The following KRT82 variants were observed in gnomAD, a reference collection of about 807,000 sequenced individuals.
KRT82 encodes keratin, type II cuticular Hb2.
KRT82 carries 44 observed loss-of-function variants against 48.0 expected under a neutral mutation model. The ratio of observed to expected loss-of-function variants is 0.92; its 90% CI spans 0.72 to 1.18. The LOEUF (loss-of-function observed/expected upper bound fraction) is 1.18, where lower values mean the gene tolerates loss of function less well. Among genes scored for constraint, KRT82 ranks in the 50% most tolerant of loss-of-function variants. KRT82 has a pLI of 0.00. For synonymous variants in KRT82, 297 were observed against 278.3 expected, an observed-to-expected ratio of 1.07 and a Z score of -0.67; for missense variants, 701 against 671.4, an observed-to-expected ratio of 1.04 and a Z score of -0.49.
At chr12:52,398,047 T>C (rs552336161) in intron 5 of KRT82, among the ~76,000 whole-genome samples, 19 of 152,206 alleles carry the variant, frequency 1.2e-4, no homozygotes, top group Non-Finnish European at 2.5e-4. Flanking sequence ...CAAGACTCCA[T>C]CTCAAAATAA....
Position 52,400,522 on chromosome 12 carries a change from G to C in KRT82, c.777+5C>G. ...CTAACCACCCAAGGTCAGGGCTGTGGGTACCTCCTCATACAGGCTTTTCAG... is the reference window on the plus strand; with the variant it reads ...CTAACCACCCAAGGTCAGGGCTGTGCGTACCTCCTCATACAGGCTTTTCAG... On this transcript the variant is annotated splice_donor_5th_base_variant and intron_variant, in intron 4 of 8. Transcript: ENST00000257974. 6.2e-7 allele frequency: 1 copy of C among 1,611,452 alleles called. No homozygotes were observed. The highest frequency in any genetic ancestry group is 8.5e-7 in the Non-Finnish European group (1 of 1,177,548).
rs1381682050 is a variant in KRT82, at chr12:52,395,074, A to C, written c.1443T>G (p.Tyr481Ter). The change falls in exon 9 of 9, where the codon TAT becomes TAG. Residue 481 changes from tyrosine to a stop codon, truncating the protein, a stop_gained. Coordinates refer to ENST00000257974, the MANE Select transcript of KRT82 (RefSeq NM_033033.4). LOFTEE classifies it low-confidence loss of function (END_TRUNC). Reference sequence around the variant, plus strand: ...GTAGCCCCTGGGGCTCGCAGGGGACATAGAGTTCACCAGTGCCCACGATGC... The same window carrying C: ...GTAGCCCCTGGGGCTCGCAGGGGACCTAGAGTTCACCAGTGCCCACGATGC... ...GCSIVGTGELYVPCEPQGLLS... is the reference protein window; with the variant it reads ...GCSIVGTGEL 15 of 1,613,988 alleles carry C rather than the reference A, an allele frequency of 9.3e-6. No homozygotes were observed. Among genetic ancestry groups the C allele is most frequent in the Non-Finnish European group, 1.1e-5 (13 of 1,179,968 alleles).
rs1939724040 is a variant in KRT82, at chr12:52,396,931, A to G, written c.1020T>C (p.Asn340=). 1 of 1,614,070 alleles carries G rather than the reference A, an allele frequency of 6.2e-7. No individual in the cohort carries two copies. Among genetic ancestry groups the G allele is most frequent in the Non-Finnish European group, 8.5e-7 (1 of 1,180,010 alleles). Residue 340 remains asparagine (N), a synonymous_variant, in exon 6 of 9, where the codon AAT becomes AAC. Transcript: ENST00000257974. The part of the protein sequence containing the change: ...RNRKNEILEM[N]KLIQRLQQET... ...CTTGCTGCAGCCGCTGGATCAGTTT[A>G]TTCATTTCCAGGATCTCGTTCTTAC... is the stretch of plus-strand genomic sequence containing the variant.
In KRT82 at chr12:52,400,663, C is replaced by T. The variant is rs1372752785; in HGVS notation, c.682-41G>A. On this transcript the variant is annotated intron_variant, in intron 3 of 8. Transcript: ENST00000257974. Reference sequence around the variant, plus strand: ...GACAGAATGTGACCTGGCTGGGCCACCTCCCAGGCAAGCTGGTGGCAGGGG... The same window carrying T: ...GACAGAATGTGACCTGGCTGGGCCATCTCCCAGGCAAGCTGGTGGCAGGGG... 9.8e-6 allele frequency: 14 copies of T among 1,431,722 alleles called. No individual in the cohort carries two copies. In the Admixed American group the frequency reaches 2.3e-4, roughly 24 times the overall value. The allele number at this position is 1,431,722 out of a possible 1,614,324, so 88.7% of individuals were successfully genotyped here.
In KRT82 at chr12:52,406,069, C is replaced by T; in HGVS notation, c.209G>A (p.Arg70Lys). ...GAAGCCAGGCAGGGTACCTCCACAC[C>T]TGGAGGCTACCCGGGGCCTCCCAAA... The part of the protein sequence containing the change: ...VGFGRPRVAS[R>K]CGGTLPGFGY... The change falls in exon 1 of 9, where the codon AGG becomes AAG. Residue 70 changes from arginine to lysine, a missense_variant. Transcript: ENST00000257974. The T allele has an allele frequency of 6.2e-7, 1 of 1,613,930 alleles. No individual in the cohort carries two copies. The highest frequency in any genetic ancestry group is 8.5e-7 in the Non-Finnish European group (1 of 1,179,974).
intron 4 of KRT82, 126 bp downstream of exon 4, chr12:52,400,401 G>A (rs1307375330): frequency 2.9e-5 from 22 of 765,326 alleles, no homozygotes; most frequent in Non-Finnish European, 2.8e-5. Flanking sequence ...GCCTGAGAAC[G>A]TCTCTACAGT....
Position 52,394,722 on chromosome 12 carries a change from C to T in KRT82, c.*253G>A, listed in dbSNP as rs956071708. 2.5e-5 allele frequency: 14 copies of T among 569,904 alleles called. No homozygotes were observed. Among genetic ancestry groups the T allele is most frequent in the Middle Eastern group, 4.6e-4 (1 of 2,176 alleles). 35.3% of individuals were successfully genotyped at this position (569,904 alleles called of 1,614,324 possible). A position where few individuals can be genotyped will look rare whatever the true frequency, so the allele number is the denominator to read the frequency against. ...ATTCTGCGGTTAAGAGCAATGCATG[C>T]TCTTTCTCTGCCGTCTGTCCCCACC... On this transcript the variant is annotated 3_prime_UTR_variant, in exon 9 of 9. Transcript: ENST00000257974.
rs765996344 is a variant in KRT82 at position 52,395,007 on chromosome 12, C to T, written c.1510G>A (p.Ala504Thr). Residue 504 changes from alanine to threonine, a missense_variant, in exon 9 of 9, where the codon GCT becomes ACT. Transcript: ENST00000257974. ...TTGTGGCTGGGGGAGCTGCCCCCAG[C>T]TCCTAGCGTCATGCTGGATTTCCGC... is the stretch of plus-strand genomic sequence containing the variant. ...SGRKSSMTLG[A>T]GGSSPSHKH 6.8e-6 allele frequency: 11 copies of T among 1,613,560 alleles called. No homozygotes were observed. Among genetic ancestry groups the T allele is most frequent in the African/African-American group, 5.3e-5 (4 of 74,892 alleles).
chr12:52,395,067 A>C lies in KRT82; in HGVS notation c.1450T>G (p.Cys484Gly). ...IVGTGELYVP[C>G]EPQGLLSCGS... ...CAGCTCAGTAGCCCCTGGGGCTCGC[A>C]GGGGACATAGAGTTCACCAGTGCCC... The change falls in exon 9 of 9, where the codon TGC becomes GGC. Residue 484 changes from cysteine (C) to glycine (G), a missense_variant. Physicochemically the swap from Cys to Gly is radical, Grantham distance 159 (BLOSUM62 -3). Coordinates refer to ENST00000257974, the MANE Select transcript of KRT82 (RefSeq NM_033033.4). 6.2e-7 allele frequency: 1 copy of C among 1,613,950 alleles called. No homozygotes were observed. The highest frequency in any genetic ancestry group is 1.1e-5 in the South Asian group (1 of 91,062).
At chr12:52,398,083 C>T (rs528959271) in intron 5 of KRT82, among the ~76,000 whole-genome samples, 1 of 152,214 alleles carries the variant, frequency 6.6e-6, no homozygotes, top group East Asian at 1.9e-4. Flanking sequence ...ACAAAAATAA[C>T]AGCAACAGAA....
intron 2 of KRT82, among the ~76,000 whole-genome samples, chr12:52,403,486 A>G (rs1939814218): frequency 6.6e-6 from 1 of 152,188 alleles, no homozygotes; most frequent in Admixed American, 6.5e-5. Context: ...GGCTTTATTT[A>G]GGTGGAGTAG....
chr12:52,403,552 G>T, intron 2 of KRT82, 149 bp downstream of exon 2: 1 of 640,666 alleles, frequency 1.6e-6, no homozygotes, highest in Non-Finnish European at 2.8e-6. Flanking sequence ...GCCAAGTGGG[G>T]TGCCCTGCTG....
intron 2 of KRT82, 100 bp downstream of exon 2, chr12:52,403,601 A>T (rs1939815637): frequency 1.3e-6 from 1 of 782,388 alleles, no homozygotes. Flanking sequence ...CCAGTGAACT[A>T]AGTTTAGGCT....
chr12:52,401,279 TC>T lies in KRT82; in HGVS notation c.681+9del. 1 of 1,613,662 alleles carries T rather than the reference TC, an allele frequency of 6.2e-7. No homozygotes were observed. The highest frequency in any genetic ancestry group is 8.5e-7 in the Non-Finnish European group (1 of 1,179,614). On this transcript the variant is annotated intron_variant, in intron 3 of 8. Coordinates refer to ENST00000257974, the MANE Select transcript of KRT82 (RefSeq NM_033033.4). ...CTCAGGGGCTCTGCCTCTCTGAGCT[TC>T]CTCCTTACCTTCTTCAAGGCAACAA...
chr12:52,400,392 C>G lies in KRT82; in HGVS notation c.777+135G>C. 4.1e-6 allele frequency: 3 copies of G among 738,466 alleles called. No homozygotes were observed. In the South Asian group the frequency reaches 5.2e-5, roughly 13 times the overall value. 45.7% of individuals were successfully genotyped at this position (738,466 alleles called of 1,614,324 possible). On this transcript the variant is annotated intron_variant, in intron 4 of 8. Coordinates refer to ENST00000257974, the MANE Select transcript of KRT82 (RefSeq NM_033033.4). ...GATCCAACTTCTGTGAGTCTCACCG[C>G]CTGAGAACGTCTCTACAGTGCGGAC...
At chr12:52,397,140 C>T in intron 5 of KRT82, 132 bp from the exon 6 acceptor site, 1 of 1,153,168 alleles carries the variant, frequency 8.7e-7, no homozygotes, top group African/African-American at 1.6e-5. Flanking sequence ...ACTGGTTCTG[C>T]TCCTTTACCT....
At chr12:52,404,698 T>A (rs146700016) in intron 1 of KRT82, among the ~76,000 whole-genome samples, 3,428 of 152,308 alleles carry the variant, frequency 0.023, 73 homozygotes, top group Non-Finnish European at 0.033. Context: ...GCTCCCAGCC[T>A]AACAGAAGGT....
Position 52,395,761 on chromosome 12 carries a change from A to C in KRT82, c.1319T>G (p.Ile440Ser). The C allele has an allele frequency of 6.4e-7, 1 of 1,556,834 alleles. No homozygotes were observed. The highest frequency in any genetic ancestry group is 8.6e-7 in the Non-Finnish European group (1 of 1,156,378). Residue 440 changes from isoleucine (I) to serine (S), a missense_variant and splice_region_variant, in exon 8 of 9, where the codon ATC (isoleucine) becomes AGC (serine). Ile to Ser is a moderately radical substitution (Grantham distance 142). Coordinates refer to ENST00000257974, the MANE Select transcript of KRT82 (RefSeq NM_033033.4). ...RLCEGIGPVN[I>S]SVSSSKGAFL... is the part of the protein sequence containing the mutation. ...TGGGGCATGGCTCATCTACTTACAGATATTCACGGGCCCGATGCCTTCGCA... is the reference window on the plus strand; with the variant it reads ...TGGGGCATGGCTCATCTACTTACAGCTATTCACGGGCCCGATGCCTTCGCA...
intron 8 of KRT82, among the ~76,000 whole-genome samples, chr12:52,395,503 C>G (rs1939700739): frequency 6.6e-6 from 1 of 152,194 alleles, no homozygotes; most frequent in Non-Finnish European, 1.5e-5. Context: ...GAAGAGCATC[C>G]TCTTGTCAGG....
Sources: allele counts gnomAD v4.1 joint callset (sites outside exome capture counted in the v4.1 genomes callset), GRCh38; gene constraint gnomAD v4.1.1; transcripts MANE v1.5; gene names NCBI Gene and HGNC (gene_info 2026-07-23, HGNC 2026-07-21).